Variants in ANOS1 observed in about 807,000 individuals in gnomAD.
ANOS1 encodes anosmin 1, also known as anosmin-1.
In ANOS1, 6 loss-of-function variants were observed where a neutral mutation model predicts 59.0. The ratio of observed to expected loss-of-function variants is 0.10; its 90% CI spans 0.06 to 0.20. ANOS1 has a LOEUF of 0.20. ANOS1 is among the 10% of genes least tolerant of loss of function. The probability of loss-of-function intolerance (pLI) is 1.00; values close to 1 mark genes in which losing one functional copy is unlikely to be tolerated. For synonymous variants in ANOS1, 217 were observed against 223.4 expected, an observed-to-expected ratio of 0.97 and a Z score of 0.25; for missense variants, 433 against 542.3, an observed-to-expected ratio of 0.80 and a Z score of 2.00.
At chrX:8,546,634 C>T (rs1279956133) in intron 9 of ANOS1, among the ~76,000 whole-genome samples, 1 of 111,590 alleles carries the variant, frequency 9.0e-6, no homozygotes, top group East Asian at 2.8e-4. Flanking sequence ...GAGCTGCCTC[C>T]TGAGCTACAA....
chrX:8,550,080 G>T (rs2146794540), intron 9 of ANOS1, among the ~76,000 whole-genome samples: 1 of 111,725 alleles, frequency 9.0e-6, no homozygotes, highest in Admixed American at 9.5e-5. Context: ...CTAGATGATG[G>T]TTTTTGTAGA....
intron 2 of ANOS1, among the ~76,000 whole-genome samples, chrX:8,643,833 T>C (rs1398265211): frequency 1.8e-5 from 2 of 111,827 alleles, no homozygotes; most frequent in Non-Finnish European, 3.8e-5. Context: ...TGATCCCAGG[T>C]CTTTAGACAA....
At chrX:8,719,391 C>T (rs1932860482) in intron 1 of ANOS1, among the ~76,000 whole-genome samples, 1 of 111,746 alleles carries the variant, frequency 8.9e-6, no homozygotes, top group Non-Finnish European at 1.9e-5. Flanking sequence ...TTGAATGAAC[C>T]CTTCAAAGAA....
intron 8 of ANOS1, among the ~76,000 whole-genome samples, chrX:8,559,434 C>T (rs1305656215): frequency 1.8e-5 from 2 of 111,574 alleles, no homozygotes; most frequent in East Asian, 2.8e-4. Flanking sequence ...CCAAGCCCTA[C>T]GTATCCCATA....
chrX:8,614,849 C>T (rs1291003689), intron 3 of ANOS1, among the ~76,000 whole-genome samples: 1 of 48,453 alleles, frequency 2.1e-5, no homozygotes, highest in African/African-American at 7.8e-5. Context: ...TAATTTGATA[C>T]TCCCCCGAGT....
At chrX:8,684,609 G>A (rs1477385600) in intron 2 of ANOS1, among the ~76,000 whole-genome samples, 1 of 110,919 alleles carries the variant, frequency 9.0e-6, no homozygotes, top group East Asian at 2.8e-4. Flanking sequence ...GGGAAAATGT[G>A]CATACAGTTG....
At chrX:8,577,417 G>A (rs1930348917) in intron 6 of ANOS1, among the ~76,000 whole-genome samples, 3 of 111,088 alleles carry the variant, frequency 2.7e-5, no homozygotes, top group African/African-American at 9.8e-5. Context: ...TTCTCTTTCT[G>A]TTTGATGCCA....
chrX:8,656,646 G>C (rs1357330841), intron 2 of ANOS1, among the ~76,000 whole-genome samples: 3 of 111,386 alleles, frequency 2.7e-5, no homozygotes, highest in African/African-American at 9.8e-5. Flanking sequence ...TCTACAAATT[G>C]GTTCTTCCCA....
In ANOS1 at chrX:8,570,401, G is replaced by A. The variant is rs750356119; in HGVS notation, c.1062+98C>T. On this transcript the variant is annotated intron_variant, in intron 7 of 13. Transcript: ENST00000262648. ...GGAGGGAAGCTTTCCTGCATCCATG[G>A]CATCTCTCAGTTTAGCAGAGGCCTC... 42 of 687,468 alleles carry A rather than the reference G, an allele frequency of 6.1e-5. No individual in the cohort carries two copies. The African/African-American group carries it at 8.2e-4, about 13-fold the overall frequency. The allele number at this position is 687,468 out of a possible 1,213,427, so 56.7% of individuals were successfully genotyped here. A position where few individuals can be genotyped will look rare whatever the true frequency, so the allele number is the denominator to read the frequency against.
At chrX:8,563,285 T>C (rs1159258085) in intron 8 of ANOS1, among the ~76,000 whole-genome samples, 1 of 112,615 alleles carries the variant, frequency 8.9e-6, no homozygotes, top group Non-Finnish European at 1.9e-5. Flanking sequence ...TATCTCTTAA[T>C]TAACTACCCT....
intron 2 of ANOS1, among the ~76,000 whole-genome samples, chrX:8,668,386 TA>T (rs1932191878): frequency 2.5e-5 from 2 of 81,146 alleles, no homozygotes; most frequent in Admixed American, 3.0e-4. Flanking sequence ...GGCTGAATAG[TA>T]TTCCATCATA....
intron 3 of ANOS1, among the ~76,000 whole-genome samples, chrX:8,604,141 C>G (rs146210891): frequency 2.1e-4 from 23 of 111,953 alleles, no homozygotes; most frequent in African/African-American, 7.5e-4. Context: ...ACGTAAGAGT[C>G]TGGGCAACGA....
chrX:8,668,686 G>A (rs2146878928), intron 2 of ANOS1, among the ~76,000 whole-genome samples: 1 of 107,937 alleles, frequency 9.3e-6, no homozygotes, highest in Admixed American at 1.0e-4. Flanking sequence ...GCACACATAA[G>A]GTCTACTAAG....
At chrX:8,622,713 C>T (rs1222462078) in intron 3 of ANOS1, among the ~76,000 whole-genome samples, 3 of 112,352 alleles carry the variant, frequency 2.7e-5, no homozygotes, top group Non-Finnish European at 3.8e-5. Context: ...TCCTTGGAAC[C>T]AGGCAGTCTG....
At chrX:8,554,450 G>A (rs1929908899) in intron 8 of ANOS1, among the ~76,000 whole-genome samples, 1 of 110,167 alleles carries the variant, frequency 9.1e-6, no homozygotes, top group Non-Finnish European at 1.9e-5. Flanking sequence ...GGCAGACCAG[G>A]AGATTCCCTC....
At chrX:8,558,809 C>T (rs1441299648) in intron 8 of ANOS1, among the ~76,000 whole-genome samples, 1 of 111,935 alleles carries the variant, frequency 8.9e-6, no homozygotes, top group Non-Finnish European at 1.9e-5. Flanking sequence ...AGCTTCATCA[C>T]TCAGCAACCA....
At chrX:8,635,318 A>G (rs1354351900) in intron 2 of ANOS1, among the ~76,000 whole-genome samples, 1 of 111,947 alleles carries the variant, frequency 8.9e-6, no homozygotes, top group Non-Finnish European at 1.9e-5. Flanking sequence ...ACTGCATGGC[A>G]TGTCCTAGAT....
chrX:8,553,949 T>G lies in ANOS1; in HGVS notation c.1354+3A>C, dbSNP rs756675332. 1 of 1,205,593 alleles carries G rather than the reference T, an allele frequency of 8.3e-7. No individual in the cohort carries two copies. Among genetic ancestry groups the G allele is most frequent in the African/African-American group, 1.7e-5 (1 of 57,693 alleles). Reference sequence around the variant, plus strand: ...AAGAAATAAGTAAGTAATGTTTATGTACCTTCTGTCTTCTTCCAGTAGACT... The same window carrying G: ...AAGAAATAAGTAAGTAATGTTTATGGACCTTCTGTCTTCTTCCAGTAGACT... On this transcript the variant is annotated splice_donor_region_variant and intron_variant, in intron 9 of 13. Coordinates refer to ENST00000262648, the MANE Select transcript of ANOS1 (RefSeq NM_000216.4).
chrX:8,711,608 T>C (rs1170842524), intron 1 of ANOS1, among the ~76,000 whole-genome samples: 2 of 112,814 alleles, frequency 1.8e-5, no homozygotes, highest in Non-Finnish European at 3.7e-5. Context: ...GATGCCAAGT[T>C]CAGTGATATG....
Sources: allele counts gnomAD v4.1 joint callset (sites outside exome capture counted in the v4.1 genomes callset), GRCh38; gene constraint gnomAD v4.1.1; transcripts MANE v1.5; gene names NCBI Gene and HGNC (gene_info 2026-07-23, HGNC 2026-07-21).